Variants in PDE10A observed in about 807,000 individuals in gnomAD.
PDE10A encodes phosphodiesterase 10A.
Under a neutral mutation model 97.7 loss-of-function variants are expected in PDE10A, and 39 were observed. The ratio of observed to expected loss-of-function variants is 0.40; its 90% CI spans 0.31 to 0.52. The LOEUF is 0.52. Ranked by LOEUF, PDE10A falls within the 20% of genes least tolerant of loss-of-function variation. The probability of loss-of-function intolerance (pLI) is 0.56; values close to 1 mark genes in which losing one functional copy is unlikely to be tolerated. For missense variants in PDE10A, 731 were observed against 1,047.8 expected (o/e 0.70, Z 4.17); for synonymous variants, 371 against 376.8 (o/e 0.98, Z 0.18).
At chr6:165,672,529 C>G (rs1203638448) in intron 1 of PDE10A, among the ~76,000 whole-genome samples, 1 of 152,226 alleles carries the variant, frequency 6.6e-6, no homozygotes, top group Non-Finnish European at 1.5e-5. Context: ...CAAATCTCAT[C>G]TGGAATTATA....
At chr6:165,625,032 G>A (rs1788315754) in intron 1 of PDE10A, among the ~76,000 whole-genome samples, 1 of 152,208 alleles carries the variant, frequency 6.6e-6, no homozygotes, top group Non-Finnish European at 1.5e-5. Context: ...AGTGTGTTTG[G>A]TGAGCTCAAA....
intron 1 of PDE10A, among the ~76,000 whole-genome samples, chr6:165,654,349 C>A (rs1453111161): frequency 6.6e-6 from 1 of 152,104 alleles, no homozygotes; most frequent in East Asian, 1.9e-4. Flanking sequence ...CTCTCCCCAA[C>A]CCCACCCCTG....
chr6:165,984,321 C>T (rs1236512942), intron 1 of PDE10A, among the ~76,000 whole-genome samples: 1 of 152,210 alleles, frequency 6.6e-6, no homozygotes, highest in Non-Finnish European at 1.5e-5. Flanking sequence ...GTAGTACAGA[C>T]TTCCATAGCA....
chr6:165,842,286 C>G (rs1780284642), intron 1 of PDE10A, among the ~76,000 whole-genome samples: 2 of 152,276 alleles, frequency 1.3e-5, no homozygotes, highest in South Asian at 4.1e-4. Context: ...GTTGATCTCT[C>G]TAGTTTCATC....
At chr6:165,766,359 A>G (rs1391768846) in intron 1 of PDE10A, among the ~76,000 whole-genome samples, 1 of 152,256 alleles carries the variant, frequency 6.6e-6, no homozygotes, top group Non-Finnish European at 1.5e-5. Context: ...ATGTAGTTAC[A>G]TATTGCTTAT....
At chr6:165,343,323 C>T (rs1166713965) in intron 19 of PDE10A, 68 bp downstream of exon 19, 2 of 1,074,344 alleles carry the variant, frequency 1.9e-6, no homozygotes, top group East Asian at 2.4e-5. Flanking sequence ...CTAAAGTATT[C>T]TTAGCAATTG....
At position 165,656,794 on chromosome 6, in the gene PDE10A, G is replaced by A. The variant is rs112837944; in HGVS notation, c.865+5153C>T. Among the ~76,000 whole-genome samples, 38 of 152,300 alleles carry A rather than the reference G, an allele frequency of 2.5e-4. No homozygotes were observed. In the East Asian group the frequency reaches 4.3e-3, roughly 17 times the overall value. The stretch of plus-strand genomic sequence containing the variant: ...TTCCAGGACCTCCCAGTCAGAGGCC[G>A]TCTGGTTCTCACTGTCTGCAGAGCG... On this transcript the variant is annotated intron_variant, in intron 1 of 21. Transcript: ENST00000539869.
chr6:165,981,866 T>G (rs748104180), intron 1 of PDE10A, among the ~76,000 whole-genome samples: 1 of 152,240 alleles, frequency 6.6e-6, no homozygotes, highest in African/African-American at 2.4e-5. Context: ...ATTTTAGAGA[T>G]AGGCGATCTG....
At chr6:165,864,170 C>A (rs1348779318) in intron 1 of PDE10A, among the ~76,000 whole-genome samples, 2 of 78,704 alleles carry the variant, frequency 2.5e-5, no homozygotes, top group African/African-American at 1.1e-4. Flanking sequence ...CAGCCAGATC[C>A]TTTATAAGAA....
rs188233499 is a variant in PDE10A at position 165,949,947 on chromosome 6, A to G, written c.-615+37582T>C. 212 of 152,318 alleles carry G rather than the reference A, an allele frequency of 1.4e-3. 3 individuals carry two copies. Among genetic ancestry groups the G allele is most frequent in the African/African-American group, 4.9e-3 (203 of 41,580 alleles). 9.4% of individuals were successfully genotyped at this position (152,318 alleles called of 1,614,324 possible). On this transcript the variant is annotated intron_variant, in intron 1 of 19. Transcript: ENST00000366882. ...AAAAATGAGAAAATCAAAAACTAAA[A>G]TTTTATTTAATTATCATAAGAGCTA...
intron 1 of PDE10A, among the ~76,000 whole-genome samples, chr6:165,830,805 A>G (rs1250364707): frequency 2.0e-5 from 3 of 152,184 alleles, no homozygotes; most frequent in Admixed American, 2.0e-4. Flanking sequence ...CCAATAACAC[A>G]CGCTCTTTCA....
At position 165,460,856 on chromosome 6, in the gene PDE10A, G is replaced by A. The variant is rs1208850966; in HGVS notation, c.1024-10494C>T. The stretch of plus-strand genomic sequence containing the variant: ...TGAAACGAGGTATGTCCCTGGTATG[G>A]GACTAAAAAAAAATTTGCAAGGTTT... On this transcript the variant is annotated intron_variant, in intron 3 of 21. Coordinates refer to ENST00000539869, the MANE Select transcript of PDE10A (RefSeq NM_001385079.1). Among the ~76,000 whole-genome samples the A allele has an allele frequency of 2.6e-5, 4 of 151,960 alleles. No individual in the cohort carries two copies. The East Asian group carries it at 7.8e-4, about 29-fold the overall frequency.
At chr6:165,741,871 A>G (rs1792734475) in intron 1 of PDE10A, among the ~76,000 whole-genome samples, 2 of 152,218 alleles carry the variant, frequency 1.3e-5, no homozygotes, top group African/African-American at 4.8e-5. Context: ...ACAATAGGCA[A>G]AGGAATTTTC....
intron 3 of PDE10A, among the ~76,000 whole-genome samples, chr6:165,472,099 T>C (rs540835727): frequency 1.3e-5 from 2 of 152,242 alleles, no homozygotes; most frequent in South Asian, 4.1e-4. Flanking sequence ...TTTGGTGGAA[T>C]TACTCAGCAA....
chr6:165,472,720 T>A (rs1024256480), intron 3 of PDE10A, among the ~76,000 whole-genome samples: 8 of 152,142 alleles, frequency 5.3e-5, no homozygotes, highest in African/African-American at 1.9e-4. Flanking sequence ...TTCTTCTGAA[T>A]GTATAACACA....
At chr6:165,556,025 G>A (rs569538095) in intron 1 of PDE10A, among the ~76,000 whole-genome samples, 12 of 152,186 alleles carry the variant, frequency 7.9e-5, no homozygotes, top group African/African-American at 2.9e-4. Context: ...TACAAATACC[G>A]AAAATTTTTA....
chr6:165,610,704 T>A (rs1314678564), intron 1 of PDE10A, among the ~76,000 whole-genome samples: 2 of 152,222 alleles, frequency 1.3e-5, no homozygotes, highest in Non-Finnish European at 2.9e-5. Context: ...GCCAACCTCA[T>A]GGACATCTCT....
intron 1 of PDE10A, among the ~76,000 whole-genome samples, chr6:165,558,036 T>C (rs1784345784): frequency 6.6e-6 from 1 of 152,138 alleles, no homozygotes; most frequent in African/African-American, 2.4e-5. Context: ...GCCTAACCTA[T>C]GGAGCGTGGC....
chr6:165,544,246 A>C (rs1167081778), intron 1 of PDE10A, among the ~76,000 whole-genome samples: 1 of 152,222 alleles, frequency 6.6e-6, no homozygotes, highest in Non-Finnish European at 1.5e-5. Flanking sequence ...CAGTGGTATA[A>C]CTAATGTTCA....
Sources: allele counts gnomAD v4.1 joint callset (sites outside exome capture counted in the v4.1 genomes callset), GRCh38; gene constraint gnomAD v4.1.1; transcripts MANE v1.5; gene names NCBI Gene and HGNC (gene_info 2026-07-23, HGNC 2026-07-21).